The following PCDHGB1 variants were observed in gnomAD, a reference collection of about 807,000 sequenced individuals.
The protein encoded by PCDHGB1 is protocadherin gamma subfamily B, 1.
A neutral mutation model predicts 56.6 loss-of-function variants in PCDHGB1; 34 were observed. That is an observed-to-expected ratio of 0.60 (90% CI 0.46 to 0.80). The LOEUF is 0.80. Ranked by LOEUF, PCDHGB1 falls within the 30% of genes least tolerant of loss-of-function variation. The pLI, the probability that PCDHGB1 is intolerant of heterozygous loss-of-function variation, is 0.00. For synonymous variants in PCDHGB1, 561 were observed against 505.9 expected (o/e 1.11, Z -1.46); for missense variants, 1,278 against 1,204.6 (o/e 1.06, Z -0.90).
At chr5:141,402,737 G>C (rs948478466) in intron 1 of PCDHGB1, among the ~76,000 whole-genome samples, 7 of 152,158 alleles carry the variant, frequency 4.6e-5, no homozygotes, top group African/African-American at 1.4e-4. Flanking sequence ...CGCCGCTGTT[G>C]ATCAACTCTA....
At chr5:141,418,654 G>C (rs2096278227) in intron 1 of PCDHGB1, 1 of 1,614,016 alleles carries the variant, frequency 6.2e-7, no homozygotes, top group African/African-American at 1.3e-5. Context: ...TGAGAGTGAA[G>C]GCCACTGACC....
At chr5:141,439,741 A>C (rs1303886454) in intron 1 of PCDHGB1, 1 of 152,352 alleles carries the variant, frequency 6.6e-6, no homozygotes, top group African/African-American at 2.4e-5. Flanking sequence ...AACGGAACGG[A>C]TTTACAGGCA....
rs530261329 is a variant in PCDHGB1, at chr5:141,440,076, A to G, written c.2410-54731A>G. 2.4e-4 allele frequency: 37 copies of G among 152,560 alleles called. No individual in the cohort carries two copies. In the South Asian group the frequency reaches 3.7e-3, roughly 15 times the overall value. The allele number at this position is 152,560 out of a possible 1,614,324, so 9.5% of individuals were successfully genotyped here. On this transcript the variant is annotated intron_variant, in intron 1 of 3. Coordinates refer to ENST00000523390, the MANE Select transcript of PCDHGB1 (RefSeq NM_018922.3). Reference sequence around the variant, plus strand: ...CTTCGGGTTAATGCTGAGGAATAATACTTCATTCTAAGTGGGGAAAGTGGA... The same window carrying G: ...CTTCGGGTTAATGCTGAGGAATAATGCTTCATTCTAAGTGGGGAAAGTGGA...
intron 1 of PCDHGB1, chr5:141,377,726 A>T (rs1774299499): frequency 6.6e-6 from 1 of 152,240 alleles, no homozygotes; most frequent in Non-Finnish European, 1.5e-5. Context: ...TTGAAAAGAT[A>T]AGAATCATTG....
At chr5:141,426,882 C>A (rs528411309) in intron 1 of PCDHGB1, 1 of 456,664 alleles carries the variant, frequency 2.2e-6, no homozygotes, top group African/African-American at 2.0e-5. Context: ...GCCCCTGGGC[C>A]AGGAGCAACA....
intron 1 of PCDHGB1, chr5:141,377,510 T>C (rs990813838): frequency 6.6e-6 from 1 of 152,006 alleles, no homozygotes; most frequent in African/African-American, 2.4e-5. Context: ...ATAGGAGGAT[T>C]GCTTAAGTCC....
intron 1 of PCDHGB1, chr5:141,395,075 C>A: frequency 6.2e-7 from 1 of 1,614,124 alleles, no homozygotes; most frequent in Non-Finnish European, 8.5e-7. Context: ...AGACCTATTC[C>A]CAGGAAGTCT....
intron 1 of PCDHGB1, chr5:141,387,841 C>T: frequency 2.5e-6 from 4 of 1,597,678 alleles, no homozygotes; most frequent in Non-Finnish European, 3.4e-6. Flanking sequence ...TATTTGTAAC[C>T]CGGCGTCTCC....
At chr5:141,365,680 C>T in intron 1 of PCDHGB1, 1 of 1,613,514 alleles carries the variant, frequency 6.2e-7, no homozygotes, top group Non-Finnish European at 8.5e-7. Flanking sequence ...ACAACCCACC[C>T]AATTTCCCTC....
chr5:141,388,640 A>G (rs373553997), intron 1 of PCDHGB1: 3 of 1,613,844 alleles, frequency 1.9e-6, no homozygotes, highest in African/African-American at 2.7e-5. Context: ...TGAGCCTTTC[A>G]GAAAACGTGT....
intron 1 of PCDHGB1, chr5:141,396,643 A>C (rs1271446592): frequency 6.6e-6 from 1 of 152,180 alleles, no homozygotes; most frequent in Admixed American, 6.5e-5. Context: ...ACTAATATTA[A>C]TAGTAAAAAC....
At position 141,372,595 on chromosome 5, in the gene PCDHGB1, A is replaced by G; in HGVS notation, c.2409+19926A>G. The G allele has an allele frequency of 6.2e-7, 1 of 1,614,012 alleles. No individual in the cohort carries two copies. Among genetic ancestry groups the G allele is most frequent in the Non-Finnish European group, 8.5e-7 (1 of 1,179,882 alleles). On this transcript the variant is annotated intron_variant, in intron 1 of 3. Coordinates refer to ENST00000523390, the MANE Select transcript of PCDHGB1 (RefSeq NM_018922.3). ...TACTTTCAGCCTGGTGTCTGCTTCA[A>G]GACTGTACCTGGAGTTCTCCCCACC... is the stretch of plus-strand genomic sequence containing the variant.
Position 141,476,645 on chromosome 5 carries a change from A to C in PCDHGB1, c.2410-18162A>C. 1 of 1,614,246 alleles carries C rather than the reference A, an allele frequency of 6.2e-7. No homozygotes were observed. The highest frequency in any genetic ancestry group is 8.5e-7 in the Non-Finnish European group (1 of 1,180,052). On this transcript the variant is annotated intron_variant, in intron 1 of 3. Coordinates refer to ENST00000523390, the MANE Select transcript of PCDHGB1 (RefSeq NM_018922.3). The surrounding 1 kb of genome is among the most constrained non-coding windows in gnomAD (Gnocchi z 7.6). ...TTTACAAACCTATGAGCTGAGCCGA[A>C]ATGAATACTTTGCGCTTCGCGTGCA...
intron 1 of PCDHGB1, chr5:141,355,674 T>C: frequency 6.2e-7 from 1 of 1,614,040 alleles, no homozygotes; most frequent in East Asian, 2.2e-5. Context: ...CTGAAGCTTT[T>C]GATCCGGATG....
At position 141,487,728 on chromosome 5, in the gene PCDHGB1, C is replaced by T. The variant is rs986276637; in HGVS notation, c.2410-7079C>T. 2 of 1,570,444 alleles carry T rather than the reference C, an allele frequency of 1.3e-6. No homozygotes were observed. Among genetic ancestry groups the T allele is most frequent in the East Asian group, 2.3e-5 (1 of 42,866 alleles). ...TCAGTAAGTGCCCATAGTGATGTCA[C>T]CATTTTTGTAAGAGGTAACTATGTG... On this transcript the variant is annotated intron_variant, in intron 1 of 3. Coordinates refer to ENST00000523390, the MANE Select transcript of PCDHGB1 (RefSeq NM_018922.3). The surrounding 1 kb of genome is among the most constrained non-coding windows in gnomAD (Gnocchi z 5.0).
chr5:141,388,278 A>G (rs769879098), intron 1 of PCDHGB1: 3 of 1,613,502 alleles, frequency 1.9e-6, no homozygotes, highest in East Asian at 2.2e-5. Context: ...CCACACGCCA[A>G]AATTCACGCA....
In PCDHGB1 at chr5:141,432,545, A is replaced by G; in HGVS notation, c.2410-62262A>G. Reference sequence around the variant, plus strand: ...GGTGACCAAGGTGGTGGCGGTGGACAGAGACTCCGGCCAGAACGCCTGGCT... The same window carrying G: ...GGTGACCAAGGTGGTGGCGGTGGACGGAGACTCCGGCCAGAACGCCTGGCT... On this transcript the variant is annotated intron_variant, in intron 1 of 3. Coordinates refer to ENST00000523390, the MANE Select transcript of PCDHGB1 (RefSeq NM_018922.3). This position sits in a 1 kb window ranked among gnomAD's most constrained non-coding sequence, Gnocchi z 6.0. The G allele has an allele frequency of 1.2e-6, 2 of 1,613,876 alleles. No homozygotes were observed. Among genetic ancestry groups the G allele is most frequent in the Non-Finnish European group, 1.7e-6 (2 of 1,179,984 alleles).
chr5:141,355,256 T>C, intron 1 of PCDHGB1: 1 of 1,613,468 alleles, frequency 6.2e-7, no homozygotes, highest in East Asian at 2.2e-5. Context: ...ATCTGCCTTC[T>C]CCTGGGGGTT....
At chr5:141,391,449 A>C (rs1432134490) in intron 1 of PCDHGB1, 2 of 152,026 alleles carry the variant, frequency 1.3e-5, no homozygotes, top group Admixed American at 1.3e-4. Context: ...ACTAGCTGGA[A>C]CTCAGGCTCA....
Sources: allele counts gnomAD v4.1 joint callset (sites outside exome capture counted in the v4.1 genomes callset), GRCh38; gene constraint gnomAD v4.1.1; non-coding constraint Gnocchi (gnomAD v3.1); transcripts MANE v1.5; gene names NCBI Gene and HGNC (gene_info 2026-07-23, HGNC 2026-07-21).